SLCO1B3: variants seen among roughly 807,000 people sequenced by gnomAD.
The protein encoded by SLCO1B3 is solute carrier organic anion transporter family member 1B3.
In SLCO1B3, 72 loss-of-function variants were observed where a neutral mutation model predicts 71.8. The observed-to-expected ratio is 1.00, with a 90% CI of 0.83 to 1.22. The LOEUF is 1.22. SLCO1B3 is among the 50% of genes most tolerant of loss of function. The pLI is 0.00. For synonymous variants in SLCO1B3, 298 were observed against 278.4 expected (o/e 1.07, Z -0.70); for missense variants, 911 against 819.7 (o/e 1.11, Z -1.36).
chr12:20,863,485 A>C (rs1192146150), intron 8 of SLCO1B3, among the ~76,000 whole-genome samples: 1 of 152,178 alleles, frequency 6.6e-6, no homozygotes, highest in African/African-American at 2.4e-5. Context: ...CCTCGACTTC[A>C]GGCCCTCCTT....
intron 13 of SLCO1B3, among the ~76,000 whole-genome samples, chr12:20,893,848 A>G (rs1284221272): frequency 6.6e-6 from 1 of 152,212 alleles, no homozygotes; most frequent in Non-Finnish European, 1.5e-5. Context: ...GATGTGAGGC[A>G]TGATGTAAGT....
At chr12:20,865,631 A>T (rs1213418541) in intron 8 of SLCO1B3, among the ~76,000 whole-genome samples, 1 of 152,076 alleles carries the variant, frequency 6.6e-6, no homozygotes, top group Non-Finnish European at 1.5e-5. Flanking sequence ...ATTTTTCGAG[A>T]TTTGTGACGA....
chr12:20,881,908 T>G (rs949904750), intron 12 of SLCO1B3, among the ~76,000 whole-genome samples: 1 of 152,194 alleles, frequency 6.6e-6, no homozygotes, highest in Non-Finnish European at 1.5e-5. Flanking sequence ...TTTCTATCTT[T>G]CCCTTGCCCA....
At chr12:20,907,095 T>G (rs1283305878) in intron 15 of SLCO1B3, among the ~76,000 whole-genome samples, 1 of 152,204 alleles carries the variant, frequency 6.6e-6, no homozygotes, top group Non-Finnish European at 1.5e-5. Flanking sequence ...ATATATATTA[T>G]GTGAAAAAAG....
chr12:20,868,904 G>A (rs1865423430), intron 8 of SLCO1B3, among the ~76,000 whole-genome samples: 1 of 152,126 alleles, frequency 6.6e-6, no homozygotes, highest in South Asian at 2.1e-4. Flanking sequence ...CAAAGAGAAA[G>A]ACAACTTACA....
In SLCO1B3 at chr12:20,907,432, C is replaced by CT. The variant is rs202111079; in HGVS notation, c.1865+5966dup. Among the ~76,000 whole-genome samples, 283 of 51,490 alleles carry CT rather than the reference C, an allele frequency of 5.5e-3. 9 individuals carry two copies. The East Asian group carries it at 0.13, about 24-fold the overall frequency. 33.8% of individuals were successfully genotyped at this position (51,490 alleles called of 152,430 possible). On this transcript the variant is annotated intron_variant, in intron 15 of 15. Coordinates refer to ENST00000381545, the MANE Select transcript of SLCO1B3 (RefSeq NM_019844.4). ...TTTCCTTCCTTCCCTTCCTTTCTTC[C>CT]TCCCCCTTCCCTTCCCCTTCCTTCC...
chr12:20,823,495 T>C (rs928716552), intron 3 of SLCO1B3, among the ~76,000 whole-genome samples: 5 of 152,182 alleles, frequency 3.3e-5, no homozygotes, highest in Non-Finnish European at 7.3e-5. Flanking sequence ...TTTTCTCTCT[T>C]CAATTCCCCA....
chr12:20,907,402 C>T (rs1866268469), intron 15 of SLCO1B3, among the ~76,000 whole-genome samples: 1 of 146,170 alleles, frequency 6.8e-6, no homozygotes, highest in African/African-American at 2.5e-5. Context: ...CCCTCCCCTT[C>T]CTTCTTTCCT....
chr12:20,843,352 C>T (rs11045553), intron 3 of SLCO1B3, among the ~76,000 whole-genome samples: 9,762 of 152,020 alleles, frequency 0.064, 460 homozygotes, highest in East Asian at 0.11. Context: ...GTATATCTTC[C>T]GAATTTGATT....
intron 3 of SLCO1B3, among the ~76,000 whole-genome samples, chr12:20,824,084 A>G (rs1864373374): frequency 6.6e-6 from 1 of 152,246 alleles, no homozygotes; most frequent in South Asian, 2.1e-4. Context: ...TTTTGGAGAA[A>G]TTAGGTTGAG....
chr12:20,878,087 A>G (rs1314004343), intron 10 of SLCO1B3, 151 bp downstream of exon 10: 2 of 532,640 alleles, frequency 3.8e-6, no homozygotes, highest in Non-Finnish European at 3.2e-6. Flanking sequence ...CCATCTTGTA[A>G]TATCATCGTT....
At chr12:20,847,126 T>C (rs1864936028) in intron 3 of SLCO1B3, among the ~76,000 whole-genome samples, 1 of 152,018 alleles carries the variant, frequency 6.6e-6, no homozygotes, top group Non-Finnish European at 1.5e-5. Context: ...CCCAGGGTAG[T>C]AGACTCACTT....
chr12:20,864,721 T>C (rs1202148098), intron 8 of SLCO1B3, among the ~76,000 whole-genome samples: 1 of 152,174 alleles, frequency 6.6e-6, no homozygotes, highest in African/African-American at 2.4e-5. Context: ...TCATGGTGAT[T>C]CAACTTCTAC....
chr12:20,838,851 CTTT>C (rs143187221), intron 3 of SLCO1B3, among the ~76,000 whole-genome samples: 4,212 of 151,958 alleles, frequency 0.028, 202 homozygotes, highest in African/African-American at 0.095. Context: ...TCTTGTTCTT[CTTT>C]GTTTCTATAT....
Position 20,904,755 on chromosome 12 carries a change from C to CTTTTTT in SLCO1B3, c.1865+3316_1865+3321dup, listed in dbSNP as rs775996155. ...GCAGACTTCTGCCTGGACATCCAGG[C>CTTTTTT]TTTTTTTTTTTTTTTTTTTTTTTTT... On this transcript the variant is annotated intron_variant, in intron 15 of 15. Transcript: ENST00000381545. 5.3e-4 allele frequency among the ~76,000 whole-genome samples: 30 copies of CTTTTTT among 56,114 alleles called. 4 individuals are homozygous for CTTTTTT. The highest frequency in any genetic ancestry group is 2.5e-3 in the African/African-American group (28 of 11,272). 36.8% of individuals were successfully genotyped at this position (56,114 alleles called of 152,430 possible).
chr12:20,877,686 T>G, intron 9 of SLCO1B3, 86 bp from the exon 10 acceptor site: 1 of 537,724 alleles, frequency 1.9e-6, no homozygotes, highest in Non-Finnish European at 2.8e-6. Flanking sequence ...ATTTGTAACT[T>G]TAAGTCTTAT....
At chr12:20,867,492 A>G (rs1394094623) in intron 8 of SLCO1B3, among the ~76,000 whole-genome samples, 3 of 152,086 alleles carry the variant, frequency 2.0e-5, no homozygotes, top group Admixed American at 1.3e-4. Flanking sequence ...GACATTCAAG[A>G]GGTAACAGGC....
chr12:20,836,647 G>A (rs1424225442), intron 3 of SLCO1B3, among the ~76,000 whole-genome samples: 1 of 151,802 alleles, frequency 6.6e-6, no homozygotes, highest in East Asian at 1.9e-4. Flanking sequence ...TTTTTGTTTT[G>A]TTTTGTTTTT....
rs182658589 is a variant in SLCO1B3 at position 20,843,673 on chromosome 12, C to T, written c.85-11355C>T. Among the ~76,000 whole-genome samples, 857 of 151,898 alleles carry T rather than the reference C, an allele frequency of 5.6e-3. 8 individuals carry two copies. Among genetic ancestry groups the T allele is most frequent in the Non-Finnish European group, 8.4e-3 (574 of 67,950 alleles). ...GTGGGCACCTATAGTCCCAGCTACT[C>T]AGGAGGCTGAGGCAGGAGAATGGCA... On this transcript the variant is annotated intron_variant, in intron 3 of 15. Coordinates refer to ENST00000381545, the MANE Select transcript of SLCO1B3 (RefSeq NM_019844.4).
Sources: allele counts gnomAD v4.1 joint callset (sites outside exome capture counted in the v4.1 genomes callset), GRCh38; gene constraint gnomAD v4.1.1; transcripts MANE v1.5; gene names NCBI Gene and HGNC (gene_info 2026-07-23, HGNC 2026-07-21).